The following SPATS2 variants were observed in gnomAD, a reference collection of about 807,000 sequenced individuals.
The protein encoded by SPATS2 is spermatogenesis-associated serine-rich protein 2.
SPATS2 carries 38 observed loss-of-function variants against 63.7 expected under a neutral mutation model. The observed-to-expected ratio is 0.60, with a 90% CI of 0.46 to 0.78. SPATS2 has a LOEUF of 0.78. Among genes scored for constraint, SPATS2 ranks in the 30% least tolerant of loss-of-function variants. The probability of loss-of-function intolerance (pLI) is 0.00; values close to 1 mark genes in which losing one functional copy is unlikely to be tolerated. For missense variants in SPATS2, 588 were observed against 666.2 expected (o/e 0.88, Z 1.29); for synonymous variants, 207 against 232.9 (o/e 0.89, Z 1.01).
chr12:49,401,108 A>T (rs1349072071), intron 2 of SPATS2, among the ~76,000 whole-genome samples: 1 of 151,734 alleles, frequency 6.6e-6, no homozygotes, highest in African/African-American at 2.4e-5. Context: ...ACCTCCTGGG[A>T]TAAGCTGTCC....
rs528621076 is a variant in SPATS2 at position 49,388,951 on chromosome 12, A to G, written c.-244+17661A>G. Among the ~76,000 whole-genome samples the G allele has an allele frequency of 1.8e-4, 28 of 152,192 alleles. 1 individual carries two copies. The South Asian group carries it at 4.4e-3, about 24-fold the overall frequency. On this transcript the variant is annotated intron_variant, in intron 2 of 13. Coordinates refer to ENST00000552918, the MANE Select transcript of SPATS2 (RefSeq NM_023071.4). ...TCAAGCAGTCCTCTCACATTGGCCTACGAAAGTGCTGGGATTACAAGTGTG... is the reference window on the plus strand; with the variant it reads ...TCAAGCAGTCCTCTCACATTGGCCTGCGAAAGTGCTGGGATTACAAGTGTG...
At chr12:49,409,619 T>TC (rs1205994635) in intron 2 of SPATS2, among the ~76,000 whole-genome samples, 1 of 141,746 alleles carries the variant, frequency 7.1e-6, no homozygotes, top group Admixed American at 7.1e-5. Context: ...TTTTTTTTTT[T>TC]CAGATGGAGT....
intron 2 of SPATS2, among the ~76,000 whole-genome samples, chr12:49,457,210 T>A (rs1219732284): frequency 1.3e-5 from 2 of 152,178 alleles, no homozygotes; most frequent in Admixed American, 1.3e-4. Context: ...GTTCTTCATC[T>A]GTTGCATGGA....
intron 10 of SPATS2, among the ~76,000 whole-genome samples, chr12:49,518,334 T>A (rs1946884351): frequency 1.3e-5 from 2 of 152,146 alleles, no homozygotes; most frequent in African/African-American, 4.8e-5. Flanking sequence ...CTGGGAGATT[T>A]TTATTGTATG....
chr12:49,461,988 G>GT (rs1205912468), intron 3 of SPATS2, among the ~76,000 whole-genome samples: 1 of 151,882 alleles, frequency 6.6e-6, no homozygotes, highest in Non-Finnish European at 1.5e-5. Context: ...AATTCAGTTT[G>GT]TTTTTTCCCA....
chr12:49,462,603 A>G, intron 3 of SPATS2: 1 of 598,824 alleles, frequency 1.7e-6, no homozygotes, highest in Non-Finnish European at 3.0e-6. Context: ...GGTGTCCAGG[A>G]AAAATGAGGT....
intron 3 of SPATS2, among the ~76,000 whole-genome samples, chr12:49,476,621 C>T (rs1207944054): frequency 3.3e-5 from 5 of 152,128 alleles, no homozygotes; most frequent in South Asian, 2.1e-4. Context: ...ACTGCCTGTC[C>T]GTATGCTCCC....
intron 2 of SPATS2, among the ~76,000 whole-genome samples, chr12:49,376,187 C>T (rs552590664): frequency 7.3e-5 from 11 of 150,156 alleles, no homozygotes; most frequent in Admixed American, 3.3e-4. Context: ...CTGCAACCTC[C>T]GCCTCCCAGG....
At chr12:49,396,859 G>A (rs1420153639) in intron 2 of SPATS2, among the ~76,000 whole-genome samples, 19 of 152,180 alleles carry the variant, frequency 1.2e-4, no homozygotes, top group Admixed American at 1.2e-3. Context: ...AGGTATTCAT[G>A]TGTATCATTT....
chr12:49,392,751 A>G (rs1944440311), intron 2 of SPATS2, among the ~76,000 whole-genome samples: 1 of 151,838 alleles, frequency 6.6e-6, no homozygotes, highest in South Asian at 2.1e-4. Flanking sequence ...TTTCAAATCC[A>G]CAGATAAAAA....
intron 2 of SPATS2, among the ~76,000 whole-genome samples, chr12:49,398,153 A>G (rs1302869905): frequency 1.3e-5 from 2 of 150,786 alleles, no homozygotes; most frequent in Admixed American, 1.3e-4. Flanking sequence ...AAAAAAAAAA[A>G]AAAAAAAGAA....
intron 10 of SPATS2, among the ~76,000 whole-genome samples, chr12:49,517,645 G>A (rs148582173): frequency 2.0e-5 from 3 of 152,248 alleles, no homozygotes; most frequent in African/African-American, 7.2e-5. Context: ...CATTCTGAGA[G>A]TATGCTTATG....
At chr12:49,374,696 C>A (rs897711271) in intron 2 of SPATS2, among the ~76,000 whole-genome samples, 1 of 152,112 alleles carries the variant, frequency 6.6e-6, no homozygotes, top group Non-Finnish European at 1.5e-5. Flanking sequence ...TGCGGTGGCT[C>A]ACGCCTGTAA....
chr12:49,409,361 A>G (rs1370733393), intron 2 of SPATS2, among the ~76,000 whole-genome samples: 6 of 151,732 alleles, frequency 4.0e-5, no homozygotes, highest in African/African-American at 7.3e-5. Flanking sequence ...GCTGGAGTGC[A>G]GTGTCACGAT....
chr12:49,504,418 C>G (rs553315117), intron 9 of SPATS2, among the ~76,000 whole-genome samples: 1 of 152,150 alleles, frequency 6.6e-6, no homozygotes, highest in East Asian at 1.9e-4. Flanking sequence ...ATTGTTGGAG[C>G]TGTTAGTTGA....
intron 2 of SPATS2, among the ~76,000 whole-genome samples, chr12:49,435,658 TTTTTTTA>T (rs1945266175): frequency 7.6e-6 from 1 of 131,300 alleles, no homozygotes; most frequent in African/African-American, 3.3e-5. Flanking sequence ...TTTTTTTTTT[TTTTTTTA>T]ATTGATCATT....
chr12:49,424,216 A>G (rs1400319329), intron 2 of SPATS2, among the ~76,000 whole-genome samples: 5 of 152,094 alleles, frequency 3.3e-5, no homozygotes, highest in South Asian at 2.1e-4. Context: ...ACAAACAAAC[A>G]AACAAACAAA....
intron 8 of SPATS2, among the ~76,000 whole-genome samples, chr12:49,498,145 A>AAAAAATATATATATATATATATAT (rs66900382): frequency 2.0e-5 from 2 of 98,954 alleles, no homozygotes; most frequent in Admixed American, 1.0e-4. Context: ...AAAAAAAAAA[A>AAAAAATATATATATATATATATAT]ATATATATAT....
chr12:49,462,095 C>CA (rs1392219458), intron 3 of SPATS2, among the ~76,000 whole-genome samples: 1 of 149,244 alleles, frequency 6.7e-6, no homozygotes, highest in Non-Finnish European at 1.5e-5. Flanking sequence ...TTAATTTTTC[C>CA]AAAAAAAAAG....
Sources: gnomAD v4.1 joint callset for allele counts (sites outside exome capture counted in the v4.1 genomes callset) on GRCh38, gnomAD v4.1.1 for gene constraint, MANE v1.5 for transcripts, NCBI Gene and HGNC (gene_info 2026-07-23, HGNC 2026-07-21) for gene names.